NTRK3: variants seen among roughly 807,000 people sequenced by gnomAD.
NTRK3 encodes the protein NT-3 growth factor receptor.
A neutral mutation model predicts 91.7 loss-of-function variants in NTRK3; 24 were observed. That is an observed-to-expected ratio of 0.26 (90% CI 0.19 to 0.37). The LOEUF is 0.37. Ranked by LOEUF, NTRK3 falls within the 10% of genes least tolerant of loss-of-function variation. NTRK3 has a pLI of 1.00. For synonymous variants in NTRK3, 483 were observed against 404.0 expected (o/e 1.20, Z -2.34); for missense variants, 880 against 1,068.9 (o/e 0.82, Z 2.46).
chr15:87,887,171 CA>C (rs746929461), intron 17 of NTRK3, among the ~76,000 whole-genome samples: 14 of 151,922 alleles, frequency 9.2e-5, no homozygotes, highest in Non-Finnish European at 1.9e-4. Flanking sequence ...AGTATTTGAG[CA>C]AAAAAGTGTC....
intron 14 of NTRK3, among the ~76,000 whole-genome samples, chr15:87,955,177 G>C (rs114043947): frequency 6.6e-6 from 1 of 152,210 alleles, no homozygotes; most frequent in African/African-American, 2.4e-5. Context: ...TCTGTTACCC[G>C]AGGCTGCTCA....
intron 13 of NTRK3, among the ~76,000 whole-genome samples, chr15:88,088,435 G>A (rs1265725070): frequency 6.6e-6 from 1 of 152,106 alleles, no homozygotes; most frequent in Non-Finnish European, 1.5e-5. Context: ...CTTCCACCTG[G>A]ACACCAGAAT....
At chr15:88,021,312 T>A (rs950324695) in intron 14 of NTRK3, among the ~76,000 whole-genome samples, 6 of 152,208 alleles carry the variant, frequency 3.9e-5, no homozygotes, top group Non-Finnish European at 8.8e-5. Context: ...CTGGGCACTG[T>A]CACAGTGAGT....
intron 14 of NTRK3, chr15:87,977,731 C>G (rs913399795): frequency 8.6e-6 from 2 of 231,704 alleles, no homozygotes; most frequent in East Asian, 6.1e-5. Context: ...AGGTGATACT[C>G]TGGAGGCTGC....
At chr15:88,051,376 C>T (rs923807674) in intron 13 of NTRK3, among the ~76,000 whole-genome samples, 1 of 152,202 alleles carries the variant, frequency 6.6e-6, no homozygotes, top group African/African-American at 2.4e-5. Flanking sequence ...CAAGGTTTGC[C>T]TATTGCCTCT....
intron 14 of NTRK3, among the ~76,000 whole-genome samples, chr15:87,990,469 C>T (rs1445377238): frequency 6.6e-6 from 1 of 152,130 alleles, no homozygotes; most frequent in Non-Finnish European, 1.5e-5. Context: ...TTCTTGTTCA[C>T]AGATTATTTA....
At chr15:88,147,271 A>G (rs1445368945) in intron 6 of NTRK3, 64 bp downstream of exon 6, 1 of 1,475,050 alleles carries the variant, frequency 6.8e-7, no homozygotes. Flanking sequence ...ACTGCTTGAC[A>G]CTCCTCCCCA....
chr15:88,215,474 G>A lies in NTRK3; in HGVS notation c.249-31175C>T, dbSNP rs929186463. Reference sequence around the variant, plus strand: ...CCCCGTGGCTCCCCTGAAACGTTCCGTGCTAGACACTGTGTCCTGCGATGC... The same window carrying A: ...CCCCGTGGCTCCCCTGAAACGTTCCATGCTAGACACTGTGTCCTGCGATGC... On this transcript the variant is annotated intron_variant, in intron 3 of 18. Coordinates refer to ENST00000394480, the Ensembl canonical transcript of NTRK3. Among the ~76,000 whole-genome samples, 54 of 152,310 alleles carry A rather than the reference G, an allele frequency of 3.5e-4. No individual in the cohort carries two copies. The Middle Eastern group carries it at 0.01, about 29-fold the overall frequency.
At chr15:87,922,966 C>T (rs894364657) in intron 17 of NTRK3, among the ~76,000 whole-genome samples, 23 of 152,148 alleles carry the variant, frequency 1.5e-4, no homozygotes, top group Non-Finnish European at 2.8e-4. Context: ...TGGGACCAAG[C>T]TCTTCCATTG....
chr15:87,877,187 G>A (rs113273208), intron 18 of NTRK3, 67 bp from the exon 20 acceptor site: 26 of 1,542,940 alleles, frequency 1.7e-5, no homozygotes, highest in Admixed American at 5.4e-5. Context: ...GCTCAGACTC[G>A]GCAAAAAGCA....
intron 14 of NTRK3, among the ~76,000 whole-genome samples, chr15:87,962,526 A>G (rs998797209): frequency 1.2e-4 from 19 of 152,174 alleles, no homozygotes; most frequent in Admixed American, 7.9e-4. Flanking sequence ...GCAGATTTAG[A>G]TAATCTCACT....
In NTRK3 at chr15:87,877,132, A is replaced by G. The variant is rs1163532047; in HGVS notation, c.2293-12T>C. Reference sequence around the variant, plus strand: ...ATGCACTCAATGACCTGAAAGAGTGAGAAGAACAAGGAAGTTACACCCAAA... The same window carrying G: ...ATGCACTCAATGACCTGAAAGAGTGGGAAGAACAAGGAAGTTACACCCAAA... On this transcript the variant is annotated splice_polypyrimidine_tract_variant and intron_variant, in intron 18 of 18. Transcript: ENST00000394480. 1.2e-6 allele frequency: 2 copies of G among 1,613,590 alleles called. No individual in the cohort carries two copies. The highest frequency in any genetic ancestry group is 1.7e-6 in the Non-Finnish European group (2 of 1,179,844).
chr15:88,020,446 G>A (rs1398739352), intron 14 of NTRK3, among the ~76,000 whole-genome samples: 2 of 152,084 alleles, frequency 1.3e-5, no homozygotes, highest in East Asian at 3.9e-4. Context: ...AGAAGTCGCT[G>A]GAGGGGATTC....
At chr15:88,149,957 C>A (rs2043221002) in intron 5 of NTRK3, among the ~76,000 whole-genome samples, 1 of 152,218 alleles carries the variant, frequency 6.6e-6, no homozygotes, top group African/African-American at 2.4e-5. Flanking sequence ...GGACAAGCCC[C>A]CAGCTTCCAA....
intron 14 of NTRK3, among the ~76,000 whole-genome samples, chr15:88,020,627 A>C (rs1174816640): frequency 6.6e-6 from 1 of 152,196 alleles, no homozygotes; most frequent in East Asian, 1.9e-4. Context: ...GAGTATTTTC[A>C]AATTCTCCTA....
intron 5 of NTRK3, among the ~76,000 whole-genome samples, chr15:88,181,423 C>G (rs2151592960): frequency 6.6e-6 from 1 of 152,310 alleles, no homozygotes; most frequent in East Asian, 1.9e-4. Context: ...CAACCCACTT[C>G]AGAGCCACCT....
chr15:87,953,897 T>C (rs2071394003), intron 14 of NTRK3, among the ~76,000 whole-genome samples: 1 of 152,172 alleles, frequency 6.6e-6, no homozygotes, highest in Admixed American at 6.5e-5. Context: ...GAACGAGTTC[T>C]TTCTAGCCCC....
chr15:88,127,624 T>C (rs535731824), intron 11 of NTRK3, among the ~76,000 whole-genome samples: 1 of 152,338 alleles, frequency 6.6e-6, no homozygotes, highest in African/African-American at 2.4e-5. Context: ...CAGCTGTTGC[T>C]GACATTCTGC....
intron 17 of NTRK3, among the ~76,000 whole-genome samples, chr15:87,892,217 C>CT (rs2065891643): frequency 6.6e-6 from 1 of 152,062 alleles, no homozygotes; most frequent in Non-Finnish European, 1.5e-5. Context: ...GTATAAAATA[C>CT]TGGTACAGGT....
Sources: allele counts gnomAD v4.1 joint callset (sites outside exome capture counted in the v4.1 genomes callset), GRCh38; gene constraint gnomAD v4.1.1; transcripts MANE v1.5; gene names NCBI Gene and HGNC (gene_info 2026-07-23, HGNC 2026-07-21).